The following HEYL variants were observed in gnomAD, a reference collection of about 807,000 sequenced individuals.
HEYL encodes hes related family bHLH transcription factor with YRPW motif like.
A neutral mutation model predicts 18.6 loss-of-function variants in HEYL; 12 were observed. The ratio of observed to expected loss-of-function variants is 0.65; its 90% CI spans 0.41 to 1.05. HEYL has a LOEUF of 1.05. Ranked by LOEUF, HEYL falls within the 50% of genes least tolerant of loss-of-function variation. HEYL has a pLI of 0.00. For synonymous variants in HEYL, 159 were observed against 179.6 expected (o/e 0.89, Z 0.91); for missense variants, 420 against 444.7 (o/e 0.94, Z 0.50).
At position 39,626,234 on chromosome 1, in the gene HEYL, C is replaced by A. The variant is rs1570436516; in HGVS notation, c.*273G>T. 2 of 389,736 alleles carry A rather than the reference C, an allele frequency of 5.1e-6. No homozygotes were observed. The highest frequency in any genetic ancestry group is 4.1e-5 in the East Asian group (1 of 24,434). The allele number at this position is 389,736 out of a possible 1,614,324, so 24.1% of individuals were successfully genotyped here. A position where few individuals can be genotyped will look rare whatever the true frequency, so the allele number is the denominator to read the frequency against. The stretch of plus-strand genomic sequence containing the variant: ...GGGCAGGAGAGGGGTCTGGGCGGAT[C>A]TCTGAGGGTCTCTCCCAGGACTCAT... On this transcript the variant is annotated 3_prime_UTR_variant, in exon 5 of 5. Coordinates refer to ENST00000372852, the MANE Select transcript of HEYL (RefSeq NM_014571.4).
Position 39,632,716 on chromosome 1 carries a change from C to T in HEYL, c.81-1G>A, listed in dbSNP as rs752693162. The T allele has an allele frequency of 6.2e-7, 1 of 1,613,990 alleles. No individual in the cohort carries two copies. Among genetic ancestry groups the T allele is most frequent in the Non-Finnish European group, 8.5e-7 (1 of 1,179,936 alleles). ...GGTGGACAGCGGCCTGGCCATCTGG[C>T]TGGAAAGGAAAAGAAAAGCTGATTT... On this transcript the variant is annotated splice_acceptor_variant, in intron 1 of 4. Transcript: ENST00000372852. LOFTEE classifies it high-confidence loss of function.
At chr1:39,639,071 A>AT (rs1646374269) in intron 1 of HEYL, among the ~76,000 whole-genome samples, 1 of 152,148 alleles carries the variant, frequency 6.6e-6, no homozygotes, top group African/African-American at 2.4e-5. Flanking sequence ...AGGAGGACAA[A>AT]TTTTCTTCTT....
At position 39,633,171 on chromosome 1, in the gene HEYL, C is replaced by T. The variant is rs1410610591; in HGVS notation, c.81-456G>A. 2.6e-5 allele frequency: 25 copies of T among 967,154 alleles called. No individual in the cohort carries two copies. The Admixed American group carries it at 7.4e-4, about 29-fold the overall frequency. The allele number at this position is 967,154 out of a possible 1,614,324, so 59.9% of individuals were successfully genotyped here. A position where few individuals can be genotyped will look rare whatever the true frequency, so the allele number is the denominator to read the frequency against. On this transcript the variant is annotated intron_variant, in intron 1 of 4. Transcript: ENST00000372852. Reference sequence around the variant, plus strand: ...GGCGCGCCGGCCGCCCGCCCTCCGCCCCGCCTGCAGCTGCCGCCTCCTCCC... The same window carrying T: ...GGCGCGCCGGCCGCCCGCCCTCCGCTCCGCCTGCAGCTGCCGCCTCCTCCC...
At chr1:39,635,253 G>C (rs4660888) in intron 1 of HEYL, among the ~76,000 whole-genome samples, 40,297 of 152,242 alleles carry the variant, frequency 0.26, 5,724 homozygotes, top group Non-Finnish European at 0.31. Context: ...GCCAGATCTT[G>C]AGATCTATGG....
At chr1:39,631,957 G>T (rs1054435297) in intron 2 of HEYL, among the ~76,000 whole-genome samples, 3 of 152,214 alleles carry the variant, frequency 2.0e-5, no homozygotes, top group African/African-American at 7.2e-5. Context: ...GTCATGAGAT[G>T]GTTTGGGGAG....
chr1:39,637,776 C>G (rs956636993), intron 1 of HEYL, among the ~76,000 whole-genome samples: 1 of 152,216 alleles, frequency 6.6e-6, no homozygotes, highest in African/African-American at 2.4e-5. Context: ...TGCCCAGATG[C>G]TACTATCTTC....
intron 1 of HEYL, chr1:39,633,905 C>T (rs1442964117): frequency 6.6e-6 from 1 of 152,368 alleles, no homozygotes; most frequent in Admixed American, 6.5e-5. Flanking sequence ...TCCTCTTCCT[C>T]TCCGCCACTT....
rs1309186880 is a variant in HEYL at position 39,623,553 on chromosome 1, G to A, written c.*2954C>T. Among the ~76,000 whole-genome samples, 2 of 152,252 alleles carry A rather than the reference G, an allele frequency of 1.3e-5. No homozygotes were observed. The highest frequency in any genetic ancestry group is 1.5e-5 in the Non-Finnish European group (1 of 68,048). The stretch of plus-strand genomic sequence containing the variant: ...CACCTGGCCTCATGAGCTTACACTC[G>A]AGTGGGAGGCACAGTCAACCAACAA... On this transcript the variant is annotated 3_prime_UTR_variant, in exon 5 of 5. Transcript: ENST00000372852.
intron 2 of HEYL, among the ~76,000 whole-genome samples, chr1:39,631,868 A>G (rs1231862484): frequency 6.6e-6 from 1 of 152,216 alleles, no homozygotes; most frequent in Non-Finnish European, 1.5e-5. Flanking sequence ...GCCAATCACA[A>G]TGAGGACACC....
intron 1 of HEYL, chr1:39,633,057 G>A: frequency 1.0e-6 from 1 of 978,810 alleles, no homozygotes; most frequent in East Asian, 1.1e-4. Flanking sequence ...GGCCGGCGGC[G>A]GCGGGGCTGG....
intron 4 of HEYL, among the ~76,000 whole-genome samples, 154 bp from the exon 5 acceptor site, chr1:39,627,334 G>A (rs1167551864): frequency 2.0e-5 from 3 of 152,176 alleles, no homozygotes; most frequent in Non-Finnish European, 4.4e-5. Flanking sequence ...CTCCCCATCT[G>A]CAAAGTGAGA....
In HEYL at chr1:39,626,500, G is replaced by C. The variant is rs772575144; in HGVS notation, c.*7C>G. The stretch of plus-strand genomic sequence containing the variant: ...TATTCCTTGGGGCGGGGTGGTGAAG[G>C]GGCAGCTCAGAAAGCCCCGATTTCA... On this transcript the variant is annotated 3_prime_UTR_variant, in exon 5 of 5. Transcript: ENST00000372852. The C allele has an allele frequency of 8.6e-6, 13 of 1,507,448 alleles. No individual in the cohort carries two copies. Among genetic ancestry groups the C allele is most frequent in the Middle Eastern group, 3.5e-4 (2 of 5,734 alleles). 93.4% of individuals were successfully genotyped at this position (1,507,448 alleles called of 1,614,324 possible). A position where few individuals can be genotyped will look rare whatever the true frequency, so the allele number is the denominator to read the frequency against.
At chr1:39,633,096 C>T (rs1426412992) in intron 1 of HEYL, 24 of 983,668 alleles carry the variant, frequency 2.4e-5, no homozygotes, top group Non-Finnish European at 6.0e-6. Flanking sequence ...CAGAGGGAGC[C>T]GCTGGGAACG....
chr1:39,637,967 A>G (rs1478590829), intron 1 of HEYL, among the ~76,000 whole-genome samples: 1 of 152,156 alleles, frequency 6.6e-6, no homozygotes, highest in Non-Finnish European at 1.5e-5. Flanking sequence ...GTTCTCTGGC[A>G]TCAATTTTGT....
At chr1:39,632,316 CAG>C (rs1423564376) in intron 2 of HEYL, among the ~76,000 whole-genome samples, 11 of 152,200 alleles carry the variant, frequency 7.2e-5, no homozygotes, top group African/African-American at 2.7e-4. Context: ...GTTCTGGACT[CAG>C]AGAGGAGACA....
intron 4 of HEYL, among the ~76,000 whole-genome samples, chr1:39,628,195 G>A (rs1007310256): frequency 8.5e-5 from 13 of 152,214 alleles, no homozygotes; most frequent in African/African-American, 3.1e-4. Context: ...AGGTCAACTT[G>A]TGGGTGAGAA....
In HEYL at chr1:39,626,899, C is replaced by G. The variant is rs370285415; in HGVS notation, c.595G>C (p.Val199Leu). Residue 199 changes from valine to leucine, a missense_variant, in exon 5 of 5, where the codon GTG becomes CTG. Physicochemically the swap from Val to Leu is conservative, Grantham distance 32 (BLOSUM62 1). Coordinates refer to ENST00000372852, the MANE Select transcript of HEYL (RefSeq NM_014571.4). ...ACACCGGGGAGGACAGGGCTGGGCACTCTTCCCAGGATGGCGAGCTGGTTG... is the reference window on the plus strand; with the variant it reads ...ACACCGGGGAGGACAGGGCTGGGCAGTCTTCCCAGGATGGCGAGCTGGTTG... ...LSNQLAILGR[V>L]PSPVLPGVSS... The G allele has an allele frequency of 2.5e-6, 4 of 1,608,542 alleles. No homozygotes were observed. In the African/African-American group the frequency reaches 5.3e-5, roughly 21 times the overall value.
chr1:39,630,911 G>A (rs1034605657), intron 3 of HEYL, among the ~76,000 whole-genome samples: 1 of 152,204 alleles, frequency 6.6e-6, no homozygotes, highest in African/African-American at 2.4e-5. Context: ...GTCCTGTGAT[G>A]GTTTTAGTGA....
intron 1 of HEYL, among the ~76,000 whole-genome samples, chr1:39,638,369 A>G (rs1646370852): frequency 6.6e-6 from 1 of 152,176 alleles, no homozygotes; most frequent in South Asian, 2.1e-4. Context: ...AGGCAGGAGG[A>G]TCACTTAAGC....
Sources: gnomAD v4.1 joint callset for allele counts (sites outside exome capture counted in the v4.1 genomes callset) on GRCh38, gnomAD v4.1.1 for gene constraint, MANE v1.5 for transcripts, NCBI Gene and HGNC (gene_info 2026-07-23, HGNC 2026-07-21) for gene names.